The following BCL11B variants were observed in gnomAD, a reference collection of about 807,000 sequenced individuals.
BCL11B encodes the protein BCL11 transcription factor B.
A neutral mutation model predicts 49.9 loss-of-function variants in BCL11B; 8 were observed. That is an observed-to-expected ratio of 0.16 (90% CI 0.09 to 0.29). BCL11B has a LOEUF of 0.29. Among genes scored for constraint, BCL11B ranks in the 10% least tolerant of loss-of-function variants. BCL11B has a pLI of 1.00. For missense variants in BCL11B, 1,006 were observed against 1,351.0 expected (o/e 0.74, Z 4.00); for synonymous variants, 739 against 637.4 (o/e 1.16, Z -2.40).
At chr14:99,246,822 G>A (rs1003737796) in intron 2 of BCL11B, among the ~76,000 whole-genome samples, 2 of 152,172 alleles carry the variant, frequency 1.3e-5, no homozygotes, top group Non-Finnish European at 2.9e-5. Context: ...AGGGGAGGAG[G>A]CCAAGCTTGA....
At chr14:99,189,399 G>C (rs894996993) in intron 3 of BCL11B, among the ~76,000 whole-genome samples, 1 of 152,250 alleles carries the variant, frequency 6.6e-6, no homozygotes, top group Non-Finnish European at 1.5e-5. Flanking sequence ...TTATGGAAGA[G>C]AAAAGCTGCA....
chr14:99,174,451 G>A lies in BCL11B; in HGVS notation c.2385C>T (p.Ser795=), dbSNP rs755084051. Residue 795 remains serine, a synonymous_variant, in exon 4 of 4, where the codon AGC becomes AGT. Coordinates refer to ENST00000357195, the MANE Select transcript of BCL11B (RefSeq NM_138576.4). ...CCTTGCCGCAGTACTCGCACGTGTC[G>A]CTGCGGCGGCCCTCCTTGGAGCTGG... ...GRPSSKEGRR[S]DTCEYCGKVF... The A allele has an allele frequency of 5.8e-5, 93 of 1,608,186 alleles. 1 individual carries two copies. Among genetic ancestry groups the A allele is most frequent in the Non-Finnish European group, 7.6e-5 (89 of 1,178,258 alleles).
chr14:99,208,055 G>A (rs1887584934), intron 3 of BCL11B, among the ~76,000 whole-genome samples: 1 of 152,232 alleles, frequency 6.6e-6, no homozygotes, highest in Non-Finnish European at 1.5e-5. Context: ...TACCCCAGGA[G>A]GCCTGGCTGG....
chr14:99,243,175 T>C (rs961943057), intron 2 of BCL11B, among the ~76,000 whole-genome samples: 1 of 152,194 alleles, frequency 6.6e-6, no homozygotes, highest in Non-Finnish European at 1.5e-5. Context: ...CTGAATCATG[T>C]GACAGTCCCA....
At position 99,247,101 on chromosome 14, in the gene BCL11B, T is replaced by C. The variant is rs906221565; in HGVS notation, c.427+10370A>G. 6.6e-6 allele frequency among the ~76,000 whole-genome samples: 1 copy of C among 152,050 alleles called. No homozygotes were observed. The highest frequency in any genetic ancestry group is 1.5e-5 in the Non-Finnish European group (1 of 68,016). ...AGTCTACGCTGCCCTGACGCTGGAG[T>C]GTGGACCTTGTTTTGCTCCTCGGGG... On this transcript the variant is annotated intron_variant, in intron 2 of 3. Coordinates refer to ENST00000357195, the MANE Select transcript of BCL11B (RefSeq NM_138576.4). The surrounding 1 kb of genome is among the most constrained non-coding windows in gnomAD (Gnocchi z 4.5).
rs189193918 is a variant in BCL11B, at chr14:99,256,297, G to A, written c.427+1174C>T. Among the ~76,000 whole-genome samples, 31 of 152,282 alleles carry A rather than the reference G, an allele frequency of 2.0e-4. No individual in the cohort carries two copies. The East Asian group carries it at 5.0e-3, about 25-fold the overall frequency. ...CTACTTGCACACCGCAGAGCCAGAC[G>A]AAACCTCTGAGAGAGAAGTGCCACG... On this transcript the variant is annotated intron_variant, in intron 2 of 3. Coordinates refer to ENST00000357195, the MANE Select transcript of BCL11B (RefSeq NM_138576.4).
At chr14:99,211,474 C>T (rs1217775029) in intron 3 of BCL11B, among the ~76,000 whole-genome samples, 1 of 152,346 alleles carries the variant, frequency 6.6e-6, no homozygotes, top group African/African-American at 2.4e-5. Context: ...CAGGGTATAG[C>T]GTAGAATTGC....
intron 2 of BCL11B, among the ~76,000 whole-genome samples, chr14:99,240,757 T>TA (rs987358790): frequency 5.9e-5 from 9 of 152,230 alleles, no homozygotes; most frequent in Non-Finnish European, 8.8e-5. Context: ...ACAAAATGTG[T>TA]AAAAATTAAC....
rs532271356 is a variant in BCL11B at position 99,200,451 on chromosome 14, G to A, written c.641-24256C>T. ...GCCCCAGATCACAGGCACAGGCACA[G>A]TTGGCCCTGTAGGGCAAGGCATCTG... is the stretch of plus-strand genomic sequence containing the variant. On this transcript the variant is annotated intron_variant, in intron 3 of 3. Coordinates refer to ENST00000357195, the MANE Select transcript of BCL11B (RefSeq NM_138576.4). Among the ~76,000 whole-genome samples, 18 of 152,376 alleles carry A rather than the reference G, an allele frequency of 1.2e-4. No individual in the cohort carries two copies. The East Asian group carries it at 3.5e-3, about 29-fold the overall frequency.
In BCL11B at chr14:99,257,539, G is replaced by T. The variant is rs750062446; in HGVS notation, c.359C>A (p.Thr120Asn). ...SEPVEIGIQV[T>N]PDEDDHLLSP... ...GAGCAGGTGGTCATCTTCGTCGGGG[G>T]TGACTTGGATCCCGATCTCCACCGG... is the stretch of plus-strand genomic sequence containing the variant. Residue 120 changes from threonine to asparagine, a missense_variant, in exon 2 of 4, where the codon ACC becomes AAC. Physicochemically the swap from Thr to Asn is moderately conservative, Grantham distance 65 (BLOSUM62 0). Transcript: ENST00000357195. The surrounding 1 kb of genome is among the most constrained non-coding windows in gnomAD (Gnocchi z 6.2). The T allele has an allele frequency of 6.2e-7, 1 of 1,613,844 alleles. No individual in the cohort carries two copies. The highest frequency in any genetic ancestry group is 8.5e-7 in the Non-Finnish European group (1 of 1,179,920).
chr14:99,258,666 T>C (rs1459418875), intron 1 of BCL11B, among the ~76,000 whole-genome samples: 3 of 152,204 alleles, frequency 2.0e-5, no homozygotes, highest in African/African-American at 7.2e-5. Context: ...CAGGCTCTCC[T>C]GCCAAGCACC....
At chr14:99,236,329 A>G (rs929324580) in intron 2 of BCL11B, among the ~76,000 whole-genome samples, 2 of 152,220 alleles carry the variant, frequency 1.3e-5, no homozygotes, top group Non-Finnish European at 2.9e-5. Context: ...GCTAAGTATT[A>G]AGAGCGTGAG....
At chr14:99,188,353 G>T (rs1198078479) in intron 3 of BCL11B, among the ~76,000 whole-genome samples, 1 of 152,182 alleles carries the variant, frequency 6.6e-6, no homozygotes, top group African/African-American at 2.4e-5. Flanking sequence ...AATGCATTTT[G>T]CAAGTAATTT....
intron 3 of BCL11B, among the ~76,000 whole-genome samples, chr14:99,177,136 C>T (rs1886559169): frequency 6.6e-6 from 1 of 152,044 alleles, no homozygotes; most frequent in African/African-American, 2.4e-5. Flanking sequence ...CACGCCCAAA[C>T]ACCGCTTGGA....
chr14:99,267,661 G>T (rs563068405), intron 1 of BCL11B, among the ~76,000 whole-genome samples: 2 of 152,248 alleles, frequency 1.3e-5, no homozygotes, highest in East Asian at 3.9e-4. Context: ...ACCCTGGGGA[G>T]TTAAGATAAT....
chr14:99,271,108 A>G, intron 1 of BCL11B, 53 bp downstream of exon 1: 1 of 1,488,792 alleles, frequency 6.7e-7, no homozygotes, highest in Non-Finnish European at 8.9e-7. Flanking sequence ...CCCCAGCCCC[A>G]GACGCCCGGA....
intron 3 of BCL11B, among the ~76,000 whole-genome samples, chr14:99,220,925 A>G (rs1432190605): frequency 6.6e-6 from 1 of 152,058 alleles, no homozygotes; most frequent in Non-Finnish European, 1.5e-5. Flanking sequence ...ATCTCGGCTC[A>G]CTGCAACCTC....
chr14:99,221,179 T>C (rs1030805137), intron 3 of BCL11B, among the ~76,000 whole-genome samples: 1 of 152,078 alleles, frequency 6.6e-6, no homozygotes, highest in Non-Finnish European at 1.5e-5. Flanking sequence ...TTTTTAAGAT[T>C]AAAATGTTAA....
At chr14:99,254,054 G>A (rs747499495) in intron 2 of BCL11B, among the ~76,000 whole-genome samples, 4 of 152,164 alleles carry the variant, frequency 2.6e-5, no homozygotes, top group Admixed American at 1.3e-4. Context: ...CAAGAGCAGG[G>A]CTGCTGCCAG....
Sources: allele counts gnomAD v4.1 joint callset (sites outside exome capture counted in the v4.1 genomes callset), GRCh38; gene constraint gnomAD v4.1.1; non-coding constraint Gnocchi (gnomAD v3.1); transcripts MANE v1.5; gene names NCBI Gene and HGNC (gene_info 2026-07-23, HGNC 2026-07-21).